PKNOX2: variants seen among roughly 807,000 people sequenced by gnomAD.
PKNOX2 encodes the protein homeobox protein PKNOX2.
A neutral mutation model predicts 53.1 loss-of-function variants in PKNOX2; 14 were observed. The ratio of observed to expected loss-of-function variants is 0.26; its 90% CI spans 0.17 to 0.41. The LOEUF (loss-of-function observed/expected upper bound fraction) is 0.41. Ranked by LOEUF, PKNOX2 falls within the 10% of genes least tolerant of loss-of-function variation. The pLI, the probability that PKNOX2 is intolerant of heterozygous loss-of-function variation, is 1.00. For missense variants in PKNOX2, 496 were observed against 602.8 expected, an observed-to-expected ratio of 0.82 and a Z score of 1.85; for synonymous variants, 257 against 242.8, an observed-to-expected ratio of 1.06 and a Z score of -0.54.
chr11:125,217,070 G>A (rs1026063607), intron 1 of PKNOX2, among the ~76,000 whole-genome samples: 5 of 151,256 alleles, frequency 3.3e-5, no homozygotes, highest in African/African-American at 7.3e-5. Context: ...GTCACACCCA[G>A]TCATACACAC....
At chr11:125,209,083 G>A (rs1939510506) in intron 1 of PKNOX2, among the ~76,000 whole-genome samples, 1 of 151,928 alleles carries the variant, frequency 6.6e-6, no homozygotes. Flanking sequence ...AATTCCAGAG[G>A]GCTAAGAAAA....
At chr11:125,395,953 CTT>C (rs949920113) in intron 6 of PKNOX2, among the ~76,000 whole-genome samples, 54 of 131,790 alleles carry the variant, frequency 4.1e-4, no homozygotes, top group Admixed American at 8.4e-4. Context: ...ACTGGATCAT[CTT>C]TTTTTTTTTT....
chr11:125,376,317 C>T (rs901586982), intron 5 of PKNOX2, among the ~76,000 whole-genome samples: 21 of 152,332 alleles, frequency 1.4e-4, no homozygotes, highest in Admixed American at 1.3e-3. Context: ...TAAAAATACA[C>T]CCGCATGGTT....
Position 125,431,317 on chromosome 11 carries a change from G to T in PKNOX2, c.1344G>T (p.Leu448=). 6.2e-7 allele frequency: 1 copy of T among 1,613,632 alleles called. No homozygotes were observed. The highest frequency in any genetic ancestry group is 1.1e-5 in the South Asian group (1 of 91,050). The change falls in exon 13 of 13, where the codon CTG becomes CTT. Residue 448 remains leucine, a synonymous_variant. Transcript: ENST00000298282. ...DEMEEEEEEE[L]EEEVDELQTT... is the part of the protein sequence containing the mutation. Reference sequence around the variant, plus strand: ...TGGAAGAGGAGGAGGAGGAGGAGCTGGAGGAGGAGGTCGACGAGCTGCAGA... The same window carrying T: ...TGGAAGAGGAGGAGGAGGAGGAGCTTGAGGAGGAGGTCGACGAGCTGCAGA...
intron 7 of PKNOX2, among the ~76,000 whole-genome samples, chr11:125,408,635 G>A (rs1247777604): frequency 6.6e-6 from 1 of 152,188 alleles, no homozygotes; most frequent in African/African-American, 2.4e-5. Flanking sequence ...GACGCCAAGG[G>A]GGATTTAATC....
intron 2 of PKNOX2, among the ~76,000 whole-genome samples, chr11:125,295,865 G>A (rs865803290): frequency 2.0e-5 from 3 of 152,066 alleles, no homozygotes; most frequent in Non-Finnish European, 2.9e-5. Flanking sequence ...CTGTACCGCC[G>A]GTAGCTCGCC....
chr11:125,339,522 G>A lies in PKNOX2; in HGVS notation c.-23+7597G>A, dbSNP rs567447155. On this transcript the variant is annotated intron_variant, in intron 3 of 12. Coordinates refer to ENST00000298282, the MANE Select transcript of PKNOX2 (RefSeq NM_001382323.2). ...CCAGAACAGGGACTTCTTTACAGCT[G>A]TGGGTGGTCCCTGGAAAGCCAAGGG... is the stretch of plus-strand genomic sequence containing the variant. Among the ~76,000 whole-genome samples the A allele has an allele frequency of 2.6e-5, 4 of 152,322 alleles. No homozygotes were observed. The South Asian group carries it at 8.3e-4, about 32-fold the overall frequency.
Position 125,297,720 on chromosome 11 carries a change from T to C in PKNOX2, c.-129-34099T>C, listed in dbSNP as rs138234655. Reference sequence around the variant, plus strand: ...GACTTCTCATTACATCCTGCATGCATTATGCTATTTCCTGCCCTTGAAAAT... The same window carrying C: ...GACTTCTCATTACATCCTGCATGCACTATGCTATTTCCTGCCCTTGAAAAT... On this transcript the variant is annotated intron_variant, in intron 2 of 12. Transcript: ENST00000298282. Among the ~76,000 whole-genome samples the C allele has an allele frequency of 2.6e-3, 401 of 152,264 alleles. 3 individuals carry two copies. Among genetic ancestry groups the C allele is most frequent in the Middle Eastern group, 0.017 (5 of 294 alleles).
intron 2 of PKNOX2, among the ~76,000 whole-genome samples, chr11:125,315,999 C>T (rs917083055): frequency 1.2e-4 from 19 of 152,126 alleles, no homozygotes; most frequent in Admixed American, 2.6e-4. Context: ...AAGGAGGCTG[C>T]GCTGGAGTGG....
At chr11:125,405,710 C>A (rs1437320234) in intron 7 of PKNOX2, among the ~76,000 whole-genome samples, 1 of 152,182 alleles carries the variant, frequency 6.6e-6, no homozygotes. Context: ...CAGTTCTCTG[C>A]CATTCCAAAC....
chr11:125,188,706 C>T (rs1434979775), intron 1 of PKNOX2, among the ~76,000 whole-genome samples: 1 of 152,124 alleles, frequency 6.6e-6, no homozygotes, highest in East Asian at 1.9e-4. Context: ...TTAGCTTTAT[C>T]AAGTGACTGC....
intron 9 of PKNOX2, chr11:125,411,514 C>CAA: frequency 2.0e-6 from 1 of 495,024 alleles, no homozygotes; most frequent in Non-Finnish European, 3.7e-6. Context: ...CTCTCTCCCC[C>CAA]CCTTCCCCAT....
intron 1 of PKNOX2, among the ~76,000 whole-genome samples, chr11:125,221,655 G>T (rs1941165109): frequency 6.6e-6 from 1 of 152,096 alleles, no homozygotes; most frequent in Non-Finnish European, 1.5e-5. Flanking sequence ...GTTATTATGG[G>T]CTGCATATAT....
chr11:125,178,609 G>GGAAGGAAGGAAA (rs1555108355), intron 1 of PKNOX2, among the ~76,000 whole-genome samples: 1 of 46,260 alleles, frequency 2.2e-5, no homozygotes, highest in Admixed American at 2.1e-4. Context: ...AAGGAAGGAA[G>GGAAGGAAGGAAA]GAAAGAAAGA....
At chr11:125,263,910 G>C (rs1945092746) in intron 2 of PKNOX2, among the ~76,000 whole-genome samples, 1 of 152,214 alleles carries the variant, frequency 6.6e-6, no homozygotes. Context: ...TGGCGTATAA[G>C]GGGGTGCGGG....
chr11:125,400,157 G>A lies in PKNOX2; in HGVS notation c.588+2095G>A, dbSNP rs915060714. Among the ~76,000 whole-genome samples, 13 of 152,154 alleles carry A rather than the reference G, an allele frequency of 8.5e-5. No individual in the cohort carries two copies. In the East Asian group the frequency reaches 2.1e-3, roughly 25 times the overall value. On this transcript the variant is annotated intron_variant, in intron 7 of 12. Transcript: ENST00000298282. ...TGGGAAAGAGGAATCAGACAATTGCGTGGTGGGTGTGGGGGAGGGGGTGAT... is the reference window on the plus strand; with the variant it reads ...TGGGAAAGAGGAATCAGACAATTGCATGGTGGGTGTGGGGGAGGGGGTGAT...
At position 125,165,975 on chromosome 11, in the gene PKNOX2, G is replaced by A. The variant is rs1402558117; in HGVS notation, c.-201+1199G>A. 6.6e-6 allele frequency among the ~76,000 whole-genome samples: 1 copy of A among 152,158 alleles called. No individual in the cohort carries two copies. Among genetic ancestry groups the A allele is most frequent in the African/African-American group, 2.4e-5 (1 of 41,434 alleles). On this transcript the variant is annotated intron_variant, in intron 1 of 12. Transcript: ENST00000298282. This position sits in a 1 kb window ranked among gnomAD's most constrained non-coding sequence, Gnocchi z 4.5. ...TCCCGGGGCTCTTCACGGGGGAGCC[G>A]GGGGTTTCCGCGCGGTGGGGAGACT... is the stretch of plus-strand genomic sequence containing the variant.
chr11:125,207,025 CGGGGGGTGAGGGGGT>C (rs1303710556), intron 1 of PKNOX2, among the ~76,000 whole-genome samples: 1 of 119,302 alleles, frequency 8.4e-6, no homozygotes, highest in Non-Finnish European at 1.7e-5. Flanking sequence ...CTTCAGGTGG[CGGGGGGTGAGGGGGT>C]GGGGGACTGA....
intron 4 of PKNOX2, among the ~76,000 whole-genome samples, chr11:125,351,739 C>G (rs1951336990): frequency 6.6e-6 from 1 of 152,104 alleles, no homozygotes; most frequent in South Asian, 2.1e-4. Context: ...GACCCAGGTA[C>G]CGGATGTGAG....
Sources: gnomAD v4.1 joint callset for allele counts (sites outside exome capture counted in the v4.1 genomes callset) on GRCh38, gnomAD v4.1.1 for gene constraint, Gnocchi (gnomAD v3.1) non-coding constraint, MANE v1.5 for transcripts, NCBI Gene and HGNC (gene_info 2026-07-23, HGNC 2026-07-21) for gene names.